Variants in CC2D2B observed in about 807,000 individuals in gnomAD.
CC2D2B encodes protein CC2D2B.
Under a neutral mutation model 161.2 loss-of-function variants are expected in CC2D2B, and 128 were observed. The ratio of observed to expected loss-of-function variants is 0.79; its 90% confidence interval spans 0.69 to 0.92. The LOEUF (loss-of-function observed/expected upper bound fraction) is 0.92. Ranked by LOEUF, CC2D2B falls within the 40% of genes least tolerant of loss-of-function variation. The pLI is 0.00. For missense variants in CC2D2B, 1,173 were observed against 1,375.1 expected, an observed-to-expected ratio of 0.85 and a Z score of 2.32; for synonymous variants, 391 against 449.8, an observed-to-expected ratio of 0.87 and a Z score of 1.65.
chr10:95,921,078 C>T (rs1437776234), intron 2 of CC2D2B: 1 of 152,278 alleles, frequency 6.6e-6, no homozygotes, highest in Non-Finnish European at 1.5e-5. Flanking sequence ...TGCACAGTAC[C>T]AGGACTTGTC....
intron 23 of CC2D2B, 27 bp from the exon 24 acceptor site, chr10:95,996,116 C>A: frequency 9.0e-7 from 1 of 1,106,244 alleles, no homozygotes; most frequent in Non-Finnish European, 1.3e-6. Context: ...ATTTCAAAAT[C>A]TAGTCAATGT....
chr10:95,936,693 A>G (rs2075832897), intron 6 of CC2D2B, among the ~76,000 whole-genome samples: 3 of 152,124 alleles, frequency 2.0e-5, no homozygotes, highest in African/African-American at 7.2e-5. Flanking sequence ...TAGGACTTGT[A>G]TTGGTCCAGA....
chr10:95,907,869 CTCCCTCTG>C (rs2098498758), upstream of CC2D2B: 1 of 152,370 alleles, frequency 6.6e-6, no homozygotes, highest in South Asian at 2.1e-4. Flanking sequence ...GCGTGCTCCG[CTCCCTCTG>C]GGTCCTGGCA....
At position 95,962,115 on chromosome 10, in the gene CC2D2B, C is replaced by CAT. The variant is rs57738249; in HGVS notation, c.1250+163_1250+164dup. On this transcript the variant is annotated intron_variant, in intron 12 of 34. Transcript: ENST00000646931. The stretch of plus-strand genomic sequence containing the variant: ...AGAATTTGTATCTTAAATACATAAA[C>CAT]ATATATATATATATATATGCATATA... 9.8e-3 allele frequency: 3,042 copies of CAT among 309,150 alleles called. 14 individuals carry two copies. The highest frequency in any genetic ancestry group is 0.025 in the African/African-American group (1,156 of 45,354). The allele number at this position is 309,150 out of a possible 1,614,324, so 19.2% of individuals were successfully genotyped here.
At chr10:95,991,828 A>G (rs2077968964) in intron 21 of CC2D2B, among the ~76,000 whole-genome samples, 1 of 152,202 alleles carries the variant, frequency 6.6e-6, no homozygotes, top group African/African-American at 2.4e-5. Flanking sequence ...CTAAGCCTGT[A>G]ATCACCCCTT....
chr10:95,986,145 G>A (rs2077710487), intron 19 of CC2D2B, among the ~76,000 whole-genome samples: 1 of 150,800 alleles, frequency 6.6e-6, no homozygotes, highest in African/African-American at 2.4e-5. Context: ...CACCCTATTC[G>A]TACACTCCCT....
intron 2 of CC2D2B, among the ~76,000 whole-genome samples, chr10:95,911,561 A>C: frequency 6.6e-6 from 1 of 152,282 alleles, no homozygotes; most frequent in Admixed American, 6.5e-5. Flanking sequence ...TGAATTATTT[A>C]TGTATGTATT....
intron 2 of CC2D2B, chr10:95,919,884 C>A (rs2098523373): frequency 6.6e-6 from 1 of 151,676 alleles, no homozygotes; most frequent in Admixed American, 6.6e-5. Context: ...AAACTAAGTC[C>A]TCTCTGCTTT....
In CC2D2B at chr10:96,009,911, G is replaced by T. The variant is rs746846359; in HGVS notation, c.3033G>T (p.Leu1011=). The part of the protein sequence containing the change: ...GCIVFPFSAL[L]QQSEISGTFQ... ...TTGTCTTCCCTTTTTCTGCTCTTCT[G>T]CAACAATCTGAGGTAAGAGAAAATG... Residue 1011 remains leucine (L), a synonymous_variant, in exon 26 of 35, where the codon CTG becomes CTT. Coordinates refer to ENST00000646931, the MANE Select transcript of CC2D2B (RefSeq NM_001349008.3). The T allele has an allele frequency of 3.1e-6, 5 of 1,603,314 alleles. No individual in the cohort carries two copies. The Admixed American group carries it at 8.4e-5, about 27-fold the overall frequency.
chr10:96,006,437 C>G (rs1023210326), intron 25 of CC2D2B, among the ~76,000 whole-genome samples: 2 of 151,356 alleles, frequency 1.3e-5, no homozygotes, highest in Non-Finnish European at 2.9e-5. Flanking sequence ...ACTGTATCTT[C>G]GCATTTTCAA....
At chr10:96,015,637 C>A (rs1452729804) in intron 29 of CC2D2B, among the ~76,000 whole-genome samples, 1 of 152,110 alleles carries the variant, frequency 6.6e-6, no homozygotes, top group Non-Finnish European at 1.5e-5. Flanking sequence ...TATTGCTGTG[C>A]TTTACTGGGC....
intron 18 of CC2D2B, among the ~76,000 whole-genome samples, 194 bp from the exon 19 acceptor site, chr10:95,983,412 G>A (rs1391223561): frequency 1.3e-5 from 2 of 151,482 alleles, no homozygotes; most frequent in South Asian, 2.1e-4. Context: ...AGTCATGACT[G>A]GGAAAAGGTT....
rs760683432 is a variant in CC2D2B, at chr10:96,004,205, T to C, written c.2903T>C (p.Ile968Thr). Residue 968 changes from isoleucine to threonine, a missense_variant, in exon 25 of 35, where the codon ATA (isoleucine) becomes ACA (threonine). This residue lies in a region of CC2D2B where 598 missense variants were observed against 693.2 expected (regional missense o/e 0.86). Coordinates refer to ENST00000646931, the MANE Select transcript of CC2D2B (RefSeq NM_001349008.3). Reference sequence around the variant, plus strand: ...AGCTTATCTAAAATAAAAGATAACATATATATCAACATTTTTGATGAAATG... The same window carrying C: ...AGCTTATCTAAAATAAAAGATAACACATATATCAACATTTTTGATGAAATG... ...FSSLSKIKDN[I>T]YINIFDEMMT... 5.8e-6 allele frequency: 9 copies of C among 1,553,736 alleles called. No homozygotes were observed. The highest frequency in any genetic ancestry group is 7.0e-6 in the Non-Finnish European group (8 of 1,150,120).
At chr10:95,997,801 T>G (rs1018210351) in intron 24 of CC2D2B, among the ~76,000 whole-genome samples, 1 of 152,322 alleles carries the variant, frequency 6.6e-6, no homozygotes, top group South Asian at 2.1e-4. Context: ...CTAATGCTAC[T>G]AGTCAGGTGA....
At chr10:96,023,782 G>T (rs550029405) in intron 32 of CC2D2B, among the ~76,000 whole-genome samples, 15 of 152,198 alleles carry the variant, frequency 9.9e-5, no homozygotes, top group African/African-American at 3.4e-4. Flanking sequence ...CAGAGCCAGC[G>T]GAAGGGGAGC....
chr10:95,994,859 G>T (rs2078169501), intron 22 of CC2D2B, among the ~76,000 whole-genome samples: 2 of 152,128 alleles, frequency 1.3e-5, no homozygotes, highest in Non-Finnish European at 2.9e-5. Flanking sequence ...TATCTAATCT[G>T]TATTATAACT....
chr10:96,002,894 G>A (rs1301652013), intron 24 of CC2D2B, among the ~76,000 whole-genome samples: 1 of 151,738 alleles, frequency 6.6e-6, no homozygotes, highest in Admixed American at 6.6e-5. Flanking sequence ...TTAGAACCGG[G>A]TCCAGCCAAG....
rs188173279 is a variant in CC2D2B, at chr10:95,971,592, C to T, written c.1645-474C>T. On this transcript the variant is annotated intron_variant, in intron 15 of 34. Transcript: ENST00000646931. ...CACTCCCATAGCTTGTTTAACTCAT[C>T]CTTGAATTTCATGACCAATCACTAC... Among the ~76,000 whole-genome samples, 236 of 152,188 alleles carry T rather than the reference C, an allele frequency of 1.6e-3. 6 individuals are homozygous for T. The East Asian group carries it at 0.041, about 26-fold the overall frequency.
At chr10:95,994,623 C>T (rs1379355970) in intron 22 of CC2D2B, among the ~76,000 whole-genome samples, 5 of 152,334 alleles carry the variant, frequency 3.3e-5, no homozygotes, top group African/African-American at 9.6e-5. Flanking sequence ...TTCCCAGACA[C>T]TGGCGTTACC....
Sources: gnomAD v4.1 joint callset for allele counts (sites outside exome capture counted in the v4.1 genomes callset) on GRCh38, gnomAD v4.1.1 for gene constraint, gnomAD v4.1.1 regional missense constraint, MANE v1.5 for transcripts, NCBI Gene and HGNC (gene_info 2026-07-23, HGNC 2026-07-21) for gene names.